The following PDGFRA variants were observed in gnomAD, a reference collection of about 807,000 sequenced individuals.
PDGFRA encodes the protein platelet derived growth factor receptor alpha, also known as platelet-derived growth factor receptor alpha.
PDGFRA carries 25 observed loss-of-function variants against 121.5 expected under a neutral mutation model. The ratio of observed to expected loss-of-function variants is 0.21; its 90% CI spans 0.15 to 0.29. The LOEUF (loss-of-function observed/expected upper bound fraction) is 0.29, where lower values mean the gene tolerates loss of function less well. Ranked by LOEUF, PDGFRA falls within the 10% of genes least tolerant of loss-of-function variation. The pLI, the probability that PDGFRA is intolerant of heterozygous loss-of-function variation, is 1.00. For missense variants in PDGFRA, 1,008 were observed against 1,345.1 expected (o/e 0.75, Z 3.92); for synonymous variants, 463 against 494.8 (o/e 0.94, Z 0.85).
chr4:54,286,080 G>C lies in PDGFRA; in HGVS notation c.2562+117G>C, dbSNP rs1724348883. On this transcript the variant is annotated intron_variant, in intron 18 of 22. Coordinates refer to ENST00000257290, the MANE Select transcript of PDGFRA (RefSeq NM_006206.6). ...TTTTAAAACATCAATAGATTTCAAG[G>C]GGTCAGTACACTGCCTTGGCAGCAG... The C allele has an allele frequency of 1.0e-5, 11 of 1,064,208 alleles. No individual in the cohort carries two copies. In the South Asian group the frequency reaches 1.1e-4, roughly 11 times the overall value. 65.9% of individuals were successfully genotyped at this position (1,064,208 alleles called of 1,614,324 possible). A position where few individuals can be genotyped will look rare whatever the true frequency, so the allele number is the denominator to read the frequency against.
At position 54,249,123 on chromosome 4, in the gene PDGFRA, A is replaced by T. The variant is rs181121173; in HGVS notation, c.-12-9634A>T. ...GGAACACTTTTACACTGTTGGTGTAAAAGTGTTGGTGGGACTGTAAACTAG... is the reference window on the plus strand; with the variant it reads ...GGAACACTTTTACACTGTTGGTGTATAAGTGTTGGTGGGACTGTAAACTAG... On this transcript the variant is annotated intron_variant, in intron 1 of 22. Transcript: ENST00000257290. Among the ~76,000 whole-genome samples the T allele has an allele frequency of 7.0e-3, 1,061 of 152,244 alleles. 9 individuals are homozygous for T. Among genetic ancestry groups the T allele is most frequent in the African/African-American group, 0.024 (1,000 of 41,558 alleles).
intron 16 of PDGFRA, chr4:54,281,617 A>G (rs777785344): frequency 7.4e-7 from 1 of 1,356,342 alleles, no homozygotes; most frequent in South Asian, 1.2e-5. Flanking sequence ...TGTCAGAGGA[A>G]CCTGAGTCAT....
At chr4:54,286,706 A>G (rs1172650490) in intron 18 of PDGFRA, among the ~76,000 whole-genome samples, 3 of 152,214 alleles carry the variant, frequency 2.0e-5, no homozygotes, top group Non-Finnish European at 2.9e-5. Flanking sequence ...ACAAGCATGC[A>G]TTCCCAAGGA....
Position 54,295,144 on chromosome 4 carries a change from A to AGT in PDGFRA, c.3144_3145dup (p.Ala1049ValfsTer25), listed in dbSNP as rs1308813985. On this transcript the variant is annotated frameshift_variant, in exon 23 of 23. Transcript: ENST00000257290. LOFTEE classifies it high-confidence loss of function. ...CTCCAGCTCGCAGACCTCTGAAGAG[A>AGT]GTGCCATTGAGACGGGTTCCAGCAG... is the stretch of plus-strand genomic sequence containing the variant. 6.2e-7 allele frequency: 1 copy of AGT among 1,613,954 alleles called. No individual in the cohort carries two copies. The highest frequency in any genetic ancestry group is 8.5e-7 in the Non-Finnish European group (1 of 1,180,008).
intron 1 of PDGFRA, among the ~76,000 whole-genome samples, chr4:54,247,670 G>A (rs1721769993): frequency 1.3e-5 from 2 of 152,208 alleles, no homozygotes; most frequent in East Asian, 3.9e-4. Flanking sequence ...ACAAGACAGG[G>A]ATGCGCTCTC....
intron 1 of PDGFRA, among the ~76,000 whole-genome samples, chr4:54,258,221 G>T (rs1203335276): frequency 6.6e-6 from 1 of 152,074 alleles, no homozygotes; most frequent in East Asian, 1.9e-4. Flanking sequence ...GTTCCTGCAA[G>T]AACCCCGGCT....
rs587778598 is a variant in PDGFRA, at chr4:54,290,368, G to A, written c.2936G>A (p.Arg979His). The part of the protein sequence containing the change: ...FLKSDHPAVA[R>H]MRVDSDNAYI... ...AAGAGTGACCATCCTGCTGTGGCAC[G>A]CATGCGTGTGGACTCAGACAATGCA... The change falls in exon 22 of 23, where the codon CGC (arginine) becomes CAC (histidine). Residue 979 changes from arginine (R) to histidine (H), a missense_variant. Transcript: ENST00000257290. 4.1e-5 allele frequency: 66 copies of A among 1,611,930 alleles called. No individual in the cohort carries two copies. Among genetic ancestry groups the A allele is most frequent in the Non-Finnish European group, 5.0e-5 (59 of 1,178,042 alleles).
At chr4:54,289,878 G>C (rs1724538835) in intron 21 of PDGFRA, among the ~76,000 whole-genome samples, 1 of 152,250 alleles carries the variant, frequency 6.6e-6, no homozygotes, top group South Asian at 2.1e-4. Context: ...TTGGTGGGAA[G>C]AGATTGAAGT....
At chr4:54,289,993 C>T (rs1045767336) in intron 21 of PDGFRA, among the ~76,000 whole-genome samples, 1 of 152,244 alleles carries the variant, frequency 6.6e-6, no homozygotes, top group African/African-American at 2.4e-5. Context: ...GCCTCACTGC[C>T]TCTCTATGGG....
chr4:54,260,936 C>A (rs1427181756), intron 2 of PDGFRA, among the ~76,000 whole-genome samples, 159 bp from the exon 3 acceptor site: 1 of 152,122 alleles, frequency 6.6e-6, no homozygotes, highest in Non-Finnish European at 1.5e-5. Context: ...GATGCAGTGG[C>A]TGTTATAATG....
At chr4:54,239,965 C>T (rs1721209162) in intron 1 of PDGFRA, 2 of 274,168 alleles carry the variant, frequency 7.3e-6, no homozygotes, top group African/African-American at 4.5e-5. Context: ...ATCCTTCCAC[C>T]TCAGCCTCCT....
At chr4:54,237,051 C>T (rs549136568) in intron 1 of PDGFRA, among the ~76,000 whole-genome samples, 2 of 152,164 alleles carry the variant, frequency 1.3e-5, no homozygotes, top group Non-Finnish European at 2.9e-5. Flanking sequence ...TCACTGCAAC[C>T]TCTGCCTACT....
chr4:54,297,683 T>A lies in PDGFRA; in HGVS notation c.*2411T>A, dbSNP rs1479931190. 4.3e-6 allele frequency: 1 copy of A among 233,568 alleles called. No individual in the cohort carries two copies. The highest frequency in any genetic ancestry group is 2.2e-5 in the African/African-American group (1 of 45,326). The allele number at this position is 233,568 out of a possible 1,614,324, so 14.5% of individuals were successfully genotyped here. Reference sequence around the variant, plus strand: ...GTGTGTGTGTGTGTTTTCAGCAAATTCCAGATTTGTTTCCTTTTGGCCTCC... The same window carrying A: ...GTGTGTGTGTGTGTTTTCAGCAAATACCAGATTTGTTTCCTTTTGGCCTCC... On this transcript the variant is annotated 3_prime_UTR_variant, in exon 23 of 23. Transcript: ENST00000257290.
intron 2 of PDGFRA, 118 bp downstream of exon 2, chr4:54,258,935 T>G (rs1168017914): frequency 1.2e-6 from 1 of 835,144 alleles, no homozygotes. Context: ...TGAAAAGAAA[T>G]AGAAAACTAT....
chr4:54,245,216 A>C (rs577632275), intron 1 of PDGFRA, among the ~76,000 whole-genome samples: 1 of 152,278 alleles, frequency 6.6e-6, no homozygotes, highest in African/African-American at 2.4e-5. Flanking sequence ...AAATACAGAG[A>C]ACGCCACAAA....
rs1269478704 is a variant in PDGFRA at position 54,267,580 on chromosome 4, C to A, written c.960C>A (p.Thr320=). ...AAGGTTTCATTGAAATCAAACCCAC[C>A]TTCAGCCAGTTGGAAGCTGTCAACC... ...HEKGFIEIKP[T]FSQLEAVNLH... Residue 320 remains threonine (T), a synonymous_variant, in exon 7 of 23, where the codon ACC becomes ACA. Coordinates refer to ENST00000257290, the MANE Select transcript of PDGFRA (RefSeq NM_006206.6). 1.9e-6 allele frequency: 3 copies of A among 1,614,178 alleles called. No individual in the cohort carries two copies. The highest frequency in any genetic ancestry group is 2.2e-5 in the South Asian group (2 of 91,086).
chr4:54,285,558 G>C, intron 17 of PDGFRA, 72 bp downstream of exon 17: 1 of 795,430 alleles, frequency 1.3e-6, no homozygotes, highest in Non-Finnish European at 2.3e-6. Flanking sequence ...GATGCTAGGA[G>C]ATAGATGTTG....
intron 1 of PDGFRA, among the ~76,000 whole-genome samples, chr4:54,237,135 A>AT (rs1393608074): frequency 1.3e-5 from 2 of 151,950 alleles, no homozygotes; most frequent in Non-Finnish European, 2.9e-5. Flanking sequence ...TGCCTGGCTA[A>AT]TTTTTTGTAT....
In PDGFRA at chr4:54,241,989, G is replaced by T. The variant is rs115278919; in HGVS notation, c.-13+12574G>T. The stretch of plus-strand genomic sequence containing the variant: ...ATTCTAGAATCTGTTTCCTTTGAAG[G>T]CCTCTCAGATTTATATCTTTTCCTT... On this transcript the variant is annotated intron_variant, in intron 1 of 22. Coordinates refer to ENST00000257290, the MANE Select transcript of PDGFRA (RefSeq NM_006206.6). 7.6e-3 allele frequency among the ~76,000 whole-genome samples: 1,151 copies of T among 152,246 alleles called. 15 individuals carry two copies. The highest frequency in any genetic ancestry group is 0.026 in the African/African-American group (1,087 of 41,532).
Sources: gnomAD v4.1 joint callset for allele counts (sites outside exome capture counted in the v4.1 genomes callset) on GRCh38, gnomAD v4.1.1 for gene constraint, MANE v1.5 for transcripts, NCBI Gene and HGNC (gene_info 2026-07-23, HGNC 2026-07-21) for gene names.